The following ZNF704 variants were observed in gnomAD, a reference collection of about 807,000 sequenced individuals.
The protein encoded by ZNF704 is glucocorticoid induced gene 1.
Under a neutral mutation model 44.7 loss-of-function variants are expected in ZNF704, and 10 were observed. The observed-to-expected ratio is 0.22, with a 90% CI of 0.14 to 0.38. The LOEUF is 0.38. Among genes scored for constraint, ZNF704 ranks in the 10% least tolerant of loss-of-function variants. ZNF704 has a pLI of 1.00. For synonymous variants in ZNF704, 211 were observed against 207.6 expected, an observed-to-expected ratio of 1.02 and a Z score of -0.14; for missense variants, 390 against 545.5, an observed-to-expected ratio of 0.71 and a Z score of 2.84.
At chr8:80,873,298 G>T (rs1254702476) in intron 1 of ZNF704, among the ~76,000 whole-genome samples, 1 of 152,146 alleles carries the variant, frequency 6.6e-6, no homozygotes, top group Non-Finnish European at 1.5e-5. Flanking sequence ...CAACAAACCC[G>T]ACACGGCCTT....
At chr8:80,735,038 A>C (rs1206506994) in intron 2 of ZNF704, among the ~76,000 whole-genome samples, 1 of 152,188 alleles carries the variant, frequency 6.6e-6, no homozygotes, top group African/African-American at 2.4e-5. Flanking sequence ...AGGAACTTTC[A>C]ATGGTTACTG....
intron 2 of ZNF704, among the ~76,000 whole-genome samples, chr8:80,717,489 T>C (rs186382904): frequency 1.3e-5 from 2 of 152,328 alleles, no homozygotes; most frequent in East Asian, 3.9e-4. Flanking sequence ...CAAATGGAAA[T>C]AGTAATACCT....
At chr8:80,819,052 T>C (rs1808221723) in intron 2 of ZNF704, among the ~76,000 whole-genome samples, 1 of 152,140 alleles carries the variant, frequency 6.6e-6, no homozygotes, top group Admixed American at 6.5e-5. Context: ...ATTCCTACTA[T>C]AGCAATGAAA....
At chr8:80,674,819 AT>A (rs1010892769) in intron 4 of ZNF704, among the ~76,000 whole-genome samples, 2 of 152,156 alleles carry the variant, frequency 1.3e-5, no homozygotes, top group Admixed American at 6.5e-5. Context: ...CTTCCTGCCC[AT>A]TTTTCAAATG....
Position 80,664,864 on chromosome 8 carries a change from C to T in ZNF704, c.878G>A (p.Arg293His), listed in dbSNP as rs759286080. ...GAGGTAGAGGGTGGTGGGAGCTGAGCGGCTCAACGGCGTCATCAACTTAGT... is the reference window on the plus strand; with the variant it reads ...GAGGTAGAGGGTGGTGGGAGCTGAGTGGCTCAACGGCGTCATCAACTTAGT... The part of the protein sequence containing the change: ...TETKLMTPLS[R>H]SAPTTLYLVH... The change falls in exon 6 of 9, where the codon CGC becomes CAC. Residue 293 changes from arginine to histidine, a missense_variant. This residue lies in a region of ZNF704 where 305 missense variants were observed against 435.7 expected (regional missense o/e 0.70). Coordinates refer to ENST00000327835, the MANE Select transcript of ZNF704 (RefSeq NM_001033723.3). 34 of 1,614,044 alleles carry T rather than the reference C, an allele frequency of 2.1e-5. No homozygotes were observed. Among genetic ancestry groups the T allele is most frequent in the Non-Finnish European group, 2.6e-5 (31 of 1,180,044 alleles).
intron 1 of ZNF704, among the ~76,000 whole-genome samples, chr8:80,849,998 GT>G (rs1808830708): frequency 6.6e-6 from 1 of 152,056 alleles, no homozygotes; most frequent in Non-Finnish European, 1.5e-5. Flanking sequence ...CTTTCTATCA[GT>G]TTTTCTAAAA....
intron 2 of ZNF704, among the ~76,000 whole-genome samples, chr8:80,730,586 TGTG>T: frequency 6.6e-6 from 1 of 151,086 alleles, no homozygotes; most frequent in Non-Finnish European, 1.5e-5. Context: ...ATTAGTTAAT[TGTG>T]GTCACGGGTG....
intron 2 of ZNF704, among the ~76,000 whole-genome samples, chr8:80,771,661 GT>G (rs1176043978): frequency 6.6e-6 from 1 of 151,924 alleles, no homozygotes; most frequent in Non-Finnish European, 1.5e-5. Flanking sequence ...GACAGTTTTG[GT>G]TTTTTTCCTT....
chr8:80,782,347 C>T (rs1360356046), intron 2 of ZNF704, among the ~76,000 whole-genome samples: 1 of 152,174 alleles, frequency 6.6e-6, no homozygotes, highest in East Asian at 1.9e-4. Flanking sequence ...TATAAAAGCA[C>T]AAGTTGGAGG....
intron 1 of ZNF704, among the ~76,000 whole-genome samples, chr8:80,861,660 G>C (rs1809063247): frequency 6.6e-6 from 1 of 152,016 alleles, no homozygotes. Flanking sequence ...CCAGAGCTCA[G>C]TCCCAGTCAC....
intron 2 of ZNF704, among the ~76,000 whole-genome samples, chr8:80,796,949 G>A (rs1456368427): frequency 6.9e-6 from 1 of 145,886 alleles, no homozygotes. Context: ...AAAGAAGGGA[G>A]GGAGGGAGAG....
chr8:80,868,585 T>C (rs1358615849), intron 1 of ZNF704, among the ~76,000 whole-genome samples: 1 of 152,258 alleles, frequency 6.6e-6, no homozygotes, highest in African/African-American at 2.4e-5. Flanking sequence ...AGATGGCGAA[T>C]GGGAGCTATA....
chr8:80,813,082 T>C (rs1015522845), intron 2 of ZNF704, among the ~76,000 whole-genome samples: 1 of 152,234 alleles, frequency 6.6e-6, no homozygotes, highest in Admixed American at 6.5e-5. Context: ...CTAAACATTT[T>C]AGAACATTCT....
At chr8:80,840,456 C>G (rs917619530) in intron 1 of ZNF704, among the ~76,000 whole-genome samples, 2 of 152,168 alleles carry the variant, frequency 1.3e-5, no homozygotes, top group African/African-American at 4.8e-5. Flanking sequence ...CTAAAGTATA[C>G]AGAGGACAAA....
chr8:80,644,216 T>C (rs1817791913), intron 7 of ZNF704, among the ~76,000 whole-genome samples: 1 of 152,154 alleles, frequency 6.6e-6, no homozygotes, highest in Admixed American at 6.5e-5. Context: ...GCATGTGTGA[T>C]GGTAGACCCA....
chr8:80,672,171 C>T (rs992171839), intron 4 of ZNF704, among the ~76,000 whole-genome samples: 2 of 152,162 alleles, frequency 1.3e-5, no homozygotes, highest in African/African-American at 4.8e-5. Flanking sequence ...AAAAGACGCT[C>T]AATATCACTA....
At chr8:80,833,550 T>C (rs17474653) in intron 1 of ZNF704, among the ~76,000 whole-genome samples, 9,357 of 152,296 alleles carry the variant, frequency 0.061, 327 homozygotes, top group Non-Finnish European at 0.076. Flanking sequence ...ATGGCTATAA[T>C]AGAACTACTT....
intron 1 of ZNF704, among the ~76,000 whole-genome samples, chr8:80,863,258 A>T (rs1254263882): frequency 6.6e-6 from 1 of 152,232 alleles, no homozygotes; most frequent in Non-Finnish European, 1.5e-5. Flanking sequence ...ATTGTTAAAA[A>T]TAAAAAATTA....
At chr8:80,834,226 A>AC (rs1249084586) in intron 1 of ZNF704, among the ~76,000 whole-genome samples, 1 of 152,114 alleles carries the variant, frequency 6.6e-6, no homozygotes, top group African/African-American at 2.4e-5. Flanking sequence ...AATCCTATCT[A>AC]CAGGTACAGT....
Sources: gnomAD v4.1 joint callset for allele counts (sites outside exome capture counted in the v4.1 genomes callset) on GRCh38, gnomAD v4.1.1 for gene constraint, gnomAD v4.1.1 regional missense constraint, MANE v1.5 for transcripts, NCBI Gene and HGNC (gene_info 2026-07-23, HGNC 2026-07-21) for gene names.